Variants in JAK1 observed in about 807,000 individuals in gnomAD.
JAK1 encodes Janus kinase 1.
A neutral mutation model predicts 136.6 loss-of-function variants in JAK1; 16 were observed. The observed-to-expected ratio is 0.12, with a 90% CI of 0.08 to 0.18. JAK1 has a LOEUF of 0.18. Among genes scored for constraint, JAK1 ranks in the 10% least tolerant of loss-of-function variants. JAK1 has a pLI of 1.00. For missense variants in JAK1, 859 were observed against 1,450.1 expected, an observed-to-expected ratio of 0.59 and a Z score of 6.62; for synonymous variants, 492 against 519.5, an observed-to-expected ratio of 0.95 and a Z score of 0.72.
At chr1:64,841,158 A>G in intron 19 of JAK1, 87 bp downstream of exon 19, 12 of 969,862 alleles carry the variant, frequency 1.2e-5, no homozygotes, top group Admixed American at 6.2e-5. Context: ...ATGAAAAAGA[A>G]TGGAGAGCAG....
chr1:64,860,035 T>G, intron 9 of JAK1, 70 bp downstream of exon 9: 2 of 1,308,176 alleles, frequency 1.5e-6, no homozygotes, highest in Non-Finnish European at 2.0e-6. Flanking sequence ...TAAACAATGA[T>G]GACATGCCCC....
At chr1:64,836,269 G>A (rs996754262) in intron 22 of JAK1, 54 bp from the exon 23 acceptor site, 3 of 960,150 alleles carry the variant, frequency 3.1e-6, no homozygotes, top group Non-Finnish European at 5.1e-6. Flanking sequence ...CACTCCATCC[G>A]ACATTACAGG....
chr1:64,986,404 G>C (rs952030056), intron 2 of JAK1, among the ~76,000 whole-genome samples: 18 of 152,032 alleles, frequency 1.2e-4, no homozygotes, highest in Admixed American at 2.0e-4. Context: ...ACTGTACCTG[G>C]CCCCTAATCT....
At chr1:64,911,916 G>A (rs1159623671) in intron 1 of JAK1, among the ~76,000 whole-genome samples, 1 of 152,124 alleles carries the variant, frequency 6.6e-6, no homozygotes, top group Non-Finnish European at 1.5e-5. Context: ...ATTCATGACA[G>A]GCTTAAATTC....
chr1:64,970,635 G>A (rs1299003041), upstream of JAK1, among the ~76,000 whole-genome samples: 1 of 151,860 alleles, frequency 6.6e-6, no homozygotes, highest in Non-Finnish European at 1.5e-5. Flanking sequence ...GTGGTGGCAT[G>A]CACCTGTAGT....
intron 1 of JAK1, among the ~76,000 whole-genome samples, chr1:64,945,772 A>G (rs537259794): frequency 1.4e-3 from 212 of 151,104 alleles, no homozygotes; most frequent in Non-Finnish European, 2.4e-3. Flanking sequence ...TCTGTCGCCC[A>G]GGCTGGAGTG....
At chr1:65,000,858 T>C (rs578055282) in intron 2 of JAK1, among the ~76,000 whole-genome samples, 26 of 152,152 alleles carry the variant, frequency 1.7e-4, no homozygotes, top group African/African-American at 5.5e-4. Flanking sequence ...GGGTTTTTTT[T>C]TTGGTGGGGG....
At chr1:64,995,322 G>T (rs1251583391) in intron 2 of JAK1, among the ~76,000 whole-genome samples, 2 of 152,048 alleles carry the variant, frequency 1.3e-5, no homozygotes, top group African/African-American at 2.4e-5. Flanking sequence ...AGTTGAATGC[G>T]ATCTATAATC....
At chr1:64,908,395 T>A (rs984435710) in intron 1 of JAK1, among the ~76,000 whole-genome samples, 1 of 152,214 alleles carries the variant, frequency 6.6e-6, no homozygotes, top group Admixed American at 6.5e-5. Flanking sequence ...GTGCCATTCC[T>A]TTTTACATAT....
At chr1:64,912,573 AC>A (rs1409104414) in intron 1 of JAK1, among the ~76,000 whole-genome samples, 2 of 152,236 alleles carry the variant, frequency 1.3e-5, no homozygotes, top group Non-Finnish European at 2.9e-5. Context: ...TTTGCTAAGC[AC>A]TTACTATGCC....
rs189755686 is a variant in JAK1 at position 65,014,129 on chromosome 1, A to C, written c.-78+30351T>G. Among the ~76,000 whole-genome samples, 15 of 152,270 alleles carry C rather than the reference A, an allele frequency of 9.9e-5. No homozygotes were observed. The East Asian group carries it at 2.9e-3, about 29-fold the overall frequency. On this transcript the variant is annotated intron_variant, in intron 2 of 25. Transcript: ENST00000671954. ...TTACAGAATGAAGCATAGAAATTTA[A>C]AGAAATACAATATATGAAAGAGAAA...
intron 1 of JAK1, among the ~76,000 whole-genome samples, chr1:64,912,175 G>T (rs1033268468): frequency 3.3e-5 from 5 of 152,080 alleles, no homozygotes; most frequent in African/African-American, 1.2e-4. Flanking sequence ...CAGGGTCTCC[G>T]AGGCTGGAAC....
At chr1:65,025,178 G>A (rs928923501) in intron 2 of JAK1, among the ~76,000 whole-genome samples, 12 of 152,076 alleles carry the variant, frequency 7.9e-5, no homozygotes, top group African/African-American at 1.2e-4. Flanking sequence ...AAAGACTTAC[G>A]GGTCCTGACT....
Position 64,985,753 on chromosome 1 carries a change from C to G in JAK1, c.-78+58727G>C, listed in dbSNP as rs1013870907. 3 of 664,194 alleles carry G rather than the reference C, an allele frequency of 4.5e-6. No individual in the cohort carries two copies. The African/African-American group carries it at 5.4e-5, about 12-fold the overall frequency. 41.1% of individuals were successfully genotyped at this position (664,194 alleles called of 1,614,324 possible). A position where few individuals can be genotyped will look rare whatever the true frequency, so the allele number is the denominator to read the frequency against. ...GCCAGGATCAGTATTTCAACCAACT[C>G]AGCTACTTTACACAGTCCCATAAGG... On this transcript the variant is annotated intron_variant, in intron 2 of 25. Transcript: ENST00000671954.
chr1:65,025,478 G>T (rs970545188), intron 2 of JAK1, among the ~76,000 whole-genome samples: 1 of 152,142 alleles, frequency 6.6e-6, no homozygotes, highest in African/African-American at 2.4e-5. Flanking sequence ...GCAAAGAGGT[G>T]AGGCCACAGG....
chr1:65,038,752 C>T (rs1414151460), intron 2 of JAK1, among the ~76,000 whole-genome samples: 1 of 152,150 alleles, frequency 6.6e-6, no homozygotes, highest in African/African-American at 2.4e-5. Context: ...AATTCTCATG[C>T]CTCAGCCTCC....
intron 22 of JAK1, among the ~76,000 whole-genome samples, chr1:64,837,672 G>C (rs1413225911): frequency 6.6e-6 from 1 of 152,212 alleles, no homozygotes; most frequent in African/African-American, 2.4e-5. Flanking sequence ...GGAATGTTGA[G>C]CTGGTGGTTA....
chr1:65,054,936 G>A (rs1041665300), intron 1 of JAK1, among the ~76,000 whole-genome samples: 2 of 152,182 alleles, frequency 1.3e-5, no homozygotes. Flanking sequence ...TCTTCACACG[G>A]AAAACTAAGG....
intron 5 of JAK1, among the ~76,000 whole-genome samples, chr1:64,870,044 C>T (rs1656982299): frequency 6.6e-6 from 1 of 152,188 alleles, no homozygotes; most frequent in Non-Finnish European, 1.5e-5. Flanking sequence ...AGGTGCACAG[C>T]ATTCTAAGAA....
Sources: allele counts gnomAD v4.1 joint callset (sites outside exome capture counted in the v4.1 genomes callset), GRCh38; gene constraint gnomAD v4.1.1; transcripts MANE v1.5; gene names NCBI Gene and HGNC (gene_info 2026-07-23, HGNC 2026-07-21).